IL6ST: variants seen among roughly 807,000 people sequenced by gnomAD.
The protein encoded by IL6ST is interleukin-6 receptor subunit beta.
In IL6ST, 24 loss-of-function variants were observed where a neutral mutation model predicts 91.3. The observed-to-expected ratio is 0.26, with a 90% CI of 0.19 to 0.37. The LOEUF is 0.37. Among genes scored for constraint, IL6ST ranks in the 10% least tolerant of loss-of-function variants. The pLI, the probability that IL6ST is intolerant of heterozygous loss-of-function variation, is 1.00. For missense variants in IL6ST, 914 were observed against 1,078.5 expected (o/e 0.85, Z 2.14); for synonymous variants, 351 against 373.6 (o/e 0.94, Z 0.70).
intron 15 of IL6ST, among the ~76,000 whole-genome samples, chr5:55,943,833 G>A (rs1055171678): frequency 6.6e-6 from 1 of 152,168 alleles, no homozygotes; most frequent in Admixed American, 6.5e-5. Flanking sequence ...ACTTTGGGAG[G>A]CTGAGGTGGG....
At chr5:55,950,192 AAG>A (rs1235032011) in intron 14 of IL6ST, 1 of 494,572 alleles carries the variant, frequency 2.0e-6, no homozygotes, top group Admixed American at 2.1e-5. Context: ...TTGGGAAGGA[AAG>A]AGAAGATGGC....
chr5:55,947,005 C>T (rs1322793452), intron 15 of IL6ST, among the ~76,000 whole-genome samples: 1 of 152,024 alleles, frequency 6.6e-6, no homozygotes, highest in Non-Finnish European at 1.5e-5. Flanking sequence ...GAGTTCGAGA[C>T]CAGCCTGGCC....
At position 55,951,471 on chromosome 5, in the gene IL6ST, T is replaced by C. The variant is rs1389703173; in HGVS notation, c.1833A>G (p.Pro611=). ...AACTTCATTATTTCTTACCAAACTT[T>C]GGGGTAGTAAAAGTGAATTCTGGAC... ...KDGPEFTFTT[P]KFAQGEIEAI... Residue 611 remains proline, a synonymous_variant, in exon 14 of 17, where the codon CCA becomes CCG. Transcript: ENST00000381298. The C allele has an allele frequency of 2.5e-6, 4 of 1,609,992 alleles. No individual in the cohort carries two copies. The South Asian group carries it at 3.3e-5, about 13-fold the overall frequency.
chr5:55,985,071 T>G (rs942210102), intron 1 of IL6ST, among the ~76,000 whole-genome samples: 6 of 152,254 alleles, frequency 3.9e-5, no homozygotes, highest in African/African-American at 1.4e-4. Context: ...TTCTGGCCTT[T>G]ATTAGAAAAT....
intron 5 of IL6ST, among the ~76,000 whole-genome samples, chr5:55,966,210 A>C (rs1752620394): frequency 6.6e-6 from 1 of 152,250 alleles, no homozygotes; most frequent in South Asian, 2.1e-4. Flanking sequence ...CAACATGATT[A>C]AATTTCGGAA....
At chr5:55,972,578 C>A (rs1178396727) in intron 3 of IL6ST, among the ~76,000 whole-genome samples, 3 of 152,080 alleles carry the variant, frequency 2.0e-5, no homozygotes, top group African/African-American at 7.2e-5. Flanking sequence ...CATCCCATGT[C>A]AAATTAATCC....
At chr5:55,950,238 A>C (rs1751540480) in intron 14 of IL6ST, 2 of 474,302 alleles carry the variant, frequency 4.2e-6, no homozygotes, top group Non-Finnish European at 8.4e-6. Context: ...TAGGCAAGTA[A>C]GAAAACAGGG....
At chr5:55,981,280 G>A (rs932041377) in intron 2 of IL6ST, among the ~76,000 whole-genome samples, 4 of 152,160 alleles carry the variant, frequency 2.6e-5, no homozygotes, top group East Asian at 1.9e-4. Flanking sequence ...TCTAAGAGAT[G>A]AAGACACAGT....
intron 2 of IL6ST, among the ~76,000 whole-genome samples, 164 bp downstream of exon 2, chr5:55,982,560 A>G (rs1232273378): frequency 1.3e-5 from 2 of 152,216 alleles, no homozygotes; most frequent in Non-Finnish European, 1.5e-5. Flanking sequence ...GTTCATAACA[A>G]TTAACACTAG....
chr5:55,989,154 C>CA (rs143228668), intron 1 of IL6ST, among the ~76,000 whole-genome samples: 13,113 of 115,318 alleles, frequency 0.11, 2,293 homozygotes, highest in African/African-American at 0.39. Context: ...AAAAGTCTCG[C>CA]AGAAAAAAAA....
rs1285339335 is a variant in IL6ST at position 55,941,737 on chromosome 5, T to C, written c.2102A>G (p.Lys701Arg). Residue 701 changes from lysine (K) to arginine (R), a missense_variant, in exon 17 of 17, where the codon AAA (lysine) becomes AGA (arginine). Transcript: ENST00000381298. ...TTTCAGATCTTCTGGAAAAGGCTTT[T>C]TGTCATTTGCTTCTATTTCCACAAC... ...VSVVEIEAND[K>R]KPFPEDLKSL... The C allele has an allele frequency of 6.2e-7, 1 of 1,614,068 alleles. No individual in the cohort carries two copies. Among genetic ancestry groups the C allele is most frequent in the South Asian group, 1.1e-5 (1 of 91,072 alleles).
intron 2 of IL6ST, among the ~76,000 whole-genome samples, chr5:55,980,521 G>A (rs983779181): frequency 1.3e-5 from 2 of 152,168 alleles, no homozygotes; most frequent in Admixed American, 6.6e-5. Flanking sequence ...CTGCACTCCA[G>A]GCTGGGCGAC....
intron 1 of IL6ST, among the ~76,000 whole-genome samples, chr5:55,986,807 A>G (rs953808388): frequency 6.6e-6 from 1 of 152,190 alleles, no homozygotes; most frequent in Non-Finnish European, 1.5e-5. Flanking sequence ...GGCATAGTAT[A>G]TAATAGTATA....
Sources: allele counts gnomAD v4.1 joint callset (sites outside exome capture counted in the v4.1 genomes callset), GRCh38; gene constraint gnomAD v4.1.1; transcripts MANE v1.5; gene names NCBI Gene and HGNC (gene_info 2026-07-23, HGNC 2026-07-21).